The following FOXP2 variants were observed in gnomAD, a reference collection of about 807,000 sequenced individuals.
The protein encoded by FOXP2 is forkhead box protein P2.
In FOXP2, 12 loss-of-function variants were observed where a neutral mutation model predicts 115.8. The ratio of observed to expected loss-of-function variants is 0.10; its 90% CI spans 0.07 to 0.17. FOXP2 has a LOEUF of 0.17. FOXP2 is among the 10% of genes least tolerant of loss of function. FOXP2 has a pLI of 1.00. For synonymous variants in FOXP2, 328 were observed against 297.7 expected (o/e 1.10, Z -1.05); for missense variants, 629 against 843.5 (o/e 0.75, Z 3.15).
At chr7:114,173,452 C>T (rs1441685798) in intron 1 of FOXP2, among the ~76,000 whole-genome samples, 1 of 150,752 alleles carries the variant, frequency 6.6e-6, no homozygotes, top group Non-Finnish European at 1.5e-5. Context: ...CAGGAGTGAA[C>T]GTCATCTTAT....
At chr7:114,288,495 A>G (rs901611848) in intron 2 of FOXP2, among the ~76,000 whole-genome samples, 2 of 151,784 alleles carry the variant, frequency 1.3e-5, no homozygotes, top group African/African-American at 4.8e-5. Flanking sequence ...TTAAAAGTTC[A>G]TTTGGTATTG....
At chr7:114,304,576 A>G (rs1796960155) in intron 2 of FOXP2, among the ~76,000 whole-genome samples, 1 of 150,702 alleles carries the variant, frequency 6.6e-6, no homozygotes, top group South Asian at 2.1e-4. Flanking sequence ...AGGCTGAAAC[A>G]TGAGAATTGC....
intron 2 of FOXP2, among the ~76,000 whole-genome samples, chr7:114,531,679 C>T (rs1584859723): frequency 6.6e-6 from 1 of 151,716 alleles, no homozygotes; most frequent in African/African-American, 2.4e-5. Flanking sequence ...GTTATTTTTT[C>T]TAAGAGTTTG....
intron 3 of FOXP2, among the ~76,000 whole-genome samples, chr7:114,606,582 T>C (rs780027458): frequency 6.6e-6 from 1 of 152,188 alleles, no homozygotes; most frequent in Admixed American, 6.5e-5. Context: ...TTCTATTCCT[T>C]TTGCCCTCTC....
intron 2 of FOXP2, among the ~76,000 whole-genome samples, chr7:114,323,158 T>A (rs115527460): frequency 5.3e-4 from 80 of 152,278 alleles, no homozygotes; most frequent in African/African-American, 1.8e-3. Flanking sequence ...CCCCAGTGAA[T>A]GAATTTAAAC....
intron 1 of FOXP2, among the ~76,000 whole-genome samples, chr7:114,111,816 C>A (rs1791274620): frequency 6.6e-6 from 1 of 152,010 alleles, no homozygotes; most frequent in Admixed American, 6.6e-5. Flanking sequence ...CTTCGAAAAA[C>A]TTCACTTATC....
chr7:114,498,747 C>A, intron 2 of FOXP2: 1 of 665,452 alleles, frequency 1.5e-6, no homozygotes, highest in Non-Finnish European at 2.8e-6. Context: ...ATAAGCTATT[C>A]AGCAGCATCT....
At chr7:114,655,067 A>G (rs538093213) in intron 10 of FOXP2, among the ~76,000 whole-genome samples, 100 of 152,244 alleles carry the variant, frequency 6.6e-4, no homozygotes, top group South Asian at 4.8e-3. Context: ...AAAGACATGT[A>G]TCTTTTTGAA....
chr7:114,136,715 G>A (rs1792049237), intron 1 of FOXP2, among the ~76,000 whole-genome samples: 1 of 151,754 alleles, frequency 6.6e-6, no homozygotes, highest in East Asian at 1.9e-4. Context: ...AAGAAAGAAA[G>A]TAATACTAGA....
intron 1 of FOXP2, among the ~76,000 whole-genome samples, chr7:114,216,050 C>G (rs1563009041): frequency 6.6e-6 from 1 of 152,118 alleles, no homozygotes; most frequent in Non-Finnish European, 1.5e-5. Context: ...CAAAAACAGG[C>G]CTGAATTCAT....
intron 1 of FOXP2, among the ~76,000 whole-genome samples, chr7:114,216,451 G>A (rs191869551): frequency 6.6e-5 from 10 of 152,038 alleles, no homozygotes; most frequent in South Asian, 4.1e-4. Flanking sequence ...CTTGTGCAGC[G>A]TAAGTTTAAG....
At chr7:114,309,719 G>A (rs1308288290) in intron 2 of FOXP2, among the ~76,000 whole-genome samples, 3 of 152,028 alleles carry the variant, frequency 2.0e-5, no homozygotes, top group Non-Finnish European at 4.4e-5. Context: ...AGGCTAGAGT[G>A]CAGTGGTGTG....
chr7:114,135,635 G>A (rs1792018036), intron 1 of FOXP2, among the ~76,000 whole-genome samples: 1 of 152,082 alleles, frequency 6.6e-6, no homozygotes, highest in Non-Finnish European at 1.5e-5. Context: ...ATTGAGACTA[G>A]CTTTGAAGTT....
At chr7:114,642,918 C>A (rs951345696) in intron 7 of FOXP2, among the ~76,000 whole-genome samples, 11 of 149,556 alleles carry the variant, frequency 7.4e-5, no homozygotes, top group African/African-American at 2.2e-4. Context: ...CTGCCATTCT[C>A]CTGCCCCAGC....
chr7:114,254,640 C>G (rs1083150), intron 1 of FOXP2, among the ~76,000 whole-genome samples: 1 of 151,822 alleles, frequency 6.6e-6, no homozygotes, highest in South Asian at 2.1e-4. Context: ...GTTTTCAGCT[C>G]CATCAGTTCA....
intron 1 of FOXP2, among the ~76,000 whole-genome samples, chr7:114,235,191 T>G (rs1794979797): frequency 6.6e-6 from 1 of 152,178 alleles, no homozygotes; most frequent in Non-Finnish European, 1.5e-5. Flanking sequence ...CCTTTCTTTT[T>G]ATAACTACCT....
chr7:114,147,703 C>T (rs538024178), intron 1 of FOXP2, among the ~76,000 whole-genome samples: 1 of 152,292 alleles, frequency 6.6e-6, no homozygotes, highest in Non-Finnish European at 1.5e-5. Flanking sequence ...TAAAACATAT[C>T]TTCCAAAGAA....
chr7:114,516,417 G>A (rs1041414408), intron 2 of FOXP2, among the ~76,000 whole-genome samples: 2 of 152,136 alleles, frequency 1.3e-5, no homozygotes, highest in Non-Finnish European at 1.5e-5. Context: ...ATTCAAGATG[G>A]ATTAAAGACT....
intron 2 of FOXP2, among the ~76,000 whole-genome samples, chr7:114,395,094 AC>A (rs576667530): frequency 5.5e-4 from 84 of 152,280 alleles, no homozygotes; most frequent in Non-Finnish European, 1.0e-3. Flanking sequence ...AATTATCTGT[AC>A]TATACTTACA....
Sources: gnomAD v4.1 joint callset for allele counts (sites outside exome capture counted in the v4.1 genomes callset) on GRCh38, gnomAD v4.1.1 for gene constraint, MANE v1.5 for transcripts, NCBI Gene and HGNC (gene_info 2026-07-23, HGNC 2026-07-21) for gene names.